ADD3: variants seen among roughly 807,000 people sequenced by gnomAD.
The protein encoded by ADD3 is adducin 3, also known as gamma-adducin.
ADD3 carries 25 observed loss-of-function variants against 80.2 expected under a neutral mutation model. The observed-to-expected ratio is 0.31, with a 90% confidence interval of 0.23 to 0.44. ADD3 has a LOEUF of 0.44. ADD3 is among the 20% of genes least tolerant of loss of function. The probability of loss-of-function intolerance (pLI) is 1.00; values close to 1 mark genes in which losing one functional copy is unlikely to be tolerated. For synonymous variants in ADD3, 284 were observed against 289.6 expected, an observed-to-expected ratio of 0.98 and a Z score of 0.20; for missense variants, 829 against 847.5, an observed-to-expected ratio of 0.98 and a Z score of 0.27.
chr10:110,063,756 T>TA (rs1554927030), intron 1 of ADD3, among the ~76,000 whole-genome samples: 2 of 65,436 alleles, frequency 3.1e-5, no homozygotes, highest in African/African-American at 8.2e-5. Flanking sequence ...TATATATATA[T>TA]ATATATATAT....
chr10:110,009,893 A>G (rs550325872), intron 1 of ADD3, among the ~76,000 whole-genome samples: 1 of 152,262 alleles, frequency 6.6e-6, no homozygotes, highest in Non-Finnish European at 1.5e-5. Context: ...CATTTTACAT[A>G]TATGATATCA....
At chr10:110,026,400 C>T (rs1361741046) in intron 1 of ADD3, among the ~76,000 whole-genome samples, 1 of 151,808 alleles carries the variant, frequency 6.6e-6, no homozygotes, top group African/African-American at 2.4e-5. Flanking sequence ...CCTGCCTCAG[C>T]CTCCTGAGTA....
chr10:110,124,579 T>A (rs765206108), intron 10 of ADD3, among the ~76,000 whole-genome samples: 2 of 152,168 alleles, frequency 1.3e-5, no homozygotes, highest in Non-Finnish European at 2.9e-5. Context: ...GTCTGACTCT[T>A]GAGCCCAGTT....
chr10:110,070,550 A>G (rs1477612420), intron 1 of ADD3, among the ~76,000 whole-genome samples: 1 of 152,226 alleles, frequency 6.6e-6, no homozygotes, highest in Non-Finnish European at 1.5e-5. Flanking sequence ...TGGGAGCAGT[A>G]TGTATGATTC....
chr10:110,009,412 TGA>T (rs1447980150), intron 1 of ADD3, among the ~76,000 whole-genome samples: 1 of 152,174 alleles, frequency 6.6e-6, no homozygotes, highest in African/African-American at 2.4e-5. Context: ...AGACTCCTAG[TGA>T]GAGTGTTTTT....
intron 1 of ADD3, among the ~76,000 whole-genome samples, chr10:110,054,917 A>G (rs1202826014): frequency 2.6e-5 from 4 of 151,218 alleles, no homozygotes; most frequent in Non-Finnish European, 4.4e-5. Flanking sequence ...CCTGGCCTCC[A>G]TGCCTGGCAA....
At chr10:110,075,382 A>G (rs944377034) in intron 1 of ADD3, among the ~76,000 whole-genome samples, 7 of 152,120 alleles carry the variant, frequency 4.6e-5, no homozygotes, top group African/African-American at 7.2e-5. Flanking sequence ...GCAAGTCCCA[A>G]GAAAACTAGA....
At chr10:110,075,046 G>C (rs149949636) in intron 1 of ADD3, among the ~76,000 whole-genome samples, 127 of 152,294 alleles carry the variant, frequency 8.3e-4, no homozygotes, top group Middle Eastern at 6.8e-3. Flanking sequence ...TGTGGTGGAA[G>C]CATTGGTTCC....
intron 1 of ADD3, among the ~76,000 whole-genome samples, chr10:110,011,075 T>TA (rs1484205832): frequency 6.7e-6 from 1 of 148,370 alleles, no homozygotes; most frequent in Non-Finnish European, 1.5e-5. Flanking sequence ...TTACTAAAGA[T>TA]ACTAAAGTCT....
Position 110,098,829 on chromosome 10 carries a change from C to G in ADD3, c.-29-1796C>G, listed in dbSNP as rs531594552. On this transcript the variant is annotated intron_variant, in intron 1 of 14. Coordinates refer to ENST00000356080, the MANE Select transcript of ADD3 (RefSeq NM_016824.5). ...TATTTTCAGTAAAGGCGGGGTTTCACTATGTTGGCCAGGCTGGTCTCGAAC... is the reference window on the plus strand; with the variant it reads ...TATTTTCAGTAAAGGCGGGGTTTCAGTATGTTGGCCAGGCTGGTCTCGAAC... Among the ~76,000 whole-genome samples, 5 of 152,128 alleles carry G rather than the reference C, an allele frequency of 3.3e-5. No homozygotes were observed. The South Asian group carries it at 1.0e-3, about 32-fold the overall frequency.
At chr10:110,125,352 G>A (rs936396068) in intron 10 of ADD3, among the ~76,000 whole-genome samples, 2 of 151,978 alleles carry the variant, frequency 1.3e-5, no homozygotes, top group Non-Finnish European at 2.9e-5. Flanking sequence ...ATAAAATGCC[G>A]ATTAGGGCTT....
intron 1 of ADD3, among the ~76,000 whole-genome samples, chr10:110,014,076 A>G (rs1233705803): frequency 6.6e-6 from 1 of 152,212 alleles, no homozygotes; most frequent in East Asian, 1.9e-4. Flanking sequence ...GCTAGAGCAG[A>G]AAGTTGGGTT....
chr10:110,019,926 CAG>C (rs1185876741), intron 1 of ADD3, among the ~76,000 whole-genome samples: 1 of 152,188 alleles, frequency 6.6e-6, no homozygotes, highest in Non-Finnish European at 1.5e-5. Flanking sequence ...TGTCAACTCC[CAG>C]AGTTTGTTGT....
intron 2 of ADD3, among the ~76,000 whole-genome samples, chr10:110,108,546 G>T (rs1849635456): frequency 6.6e-6 from 1 of 151,958 alleles, no homozygotes. Flanking sequence ...GTAAAAATAT[G>T]ATTAACTACC....
At chr10:110,032,602 G>A (rs1347633088) in intron 1 of ADD3, among the ~76,000 whole-genome samples, 1 of 152,200 alleles carries the variant, frequency 6.6e-6, no homozygotes, top group Non-Finnish European at 1.5e-5. Flanking sequence ...TCAGGAAAGA[G>A]TATAGTATGC....
chr10:110,097,962 A>G (rs1848369202), intron 1 of ADD3, among the ~76,000 whole-genome samples: 1 of 152,024 alleles, frequency 6.6e-6, no homozygotes, highest in Non-Finnish European at 1.5e-5. Flanking sequence ...TTTTTAATAG[A>G]GACAGAGTTT....
chr10:110,066,481 C>T (rs1228459897), intron 1 of ADD3, among the ~76,000 whole-genome samples: 1 of 152,194 alleles, frequency 6.6e-6, no homozygotes, highest in East Asian at 1.9e-4. Flanking sequence ...GATCCACCCT[C>T]CTTGGCCTTT....
intron 1 of ADD3, among the ~76,000 whole-genome samples, chr10:110,037,465 C>T (rs542564492): frequency 1.3e-5 from 2 of 151,676 alleles, no homozygotes; most frequent in East Asian, 2.0e-4. Context: ...ACTAGCCAGG[C>T]GTGGTGGTGG....
chr10:110,027,495 AT>A (rs1854452063), intron 1 of ADD3, among the ~76,000 whole-genome samples: 1 of 152,260 alleles, frequency 6.6e-6, no homozygotes, highest in Admixed American at 6.5e-5. Flanking sequence ...TTAACCTAAT[AT>A]ATTTAAAATA....
Sources: allele counts gnomAD v4.1 joint callset (sites outside exome capture counted in the v4.1 genomes callset), GRCh38; gene constraint gnomAD v4.1.1; transcripts MANE v1.5; gene names NCBI Gene and HGNC (gene_info 2026-07-23, HGNC 2026-07-21).